Variants in NRG1 observed in about 807,000 individuals in gnomAD.
NRG1 encodes the protein pro-neuregulin-1, membrane-bound isoform.
A neutral mutation model predicts 63.8 loss-of-function variants in NRG1; 18 were observed. The observed-to-expected ratio is 0.28, with a 90% CI of 0.19 to 0.42. The LOEUF (loss-of-function observed/expected upper bound fraction) is 0.42, where lower values mean the gene tolerates loss of function less well. Among genes scored for constraint, NRG1 ranks in the 10% least tolerant of loss-of-function variants. The probability of loss-of-function intolerance (pLI) is 1.00; values close to 1 mark genes in which losing one functional copy is unlikely to be tolerated. For synonymous variants in NRG1, 302 were observed against 301.3 expected (o/e 1.00, Z -0.02); for missense variants, 762 against 814.7 (o/e 0.94, Z 0.79).
intron 1 of NRG1, among the ~76,000 whole-genome samples, chr8:31,876,066 C>G (rs1967389): frequency 0.27 from 39,862 of 149,162 alleles, 6,317 homozygotes; most frequent in East Asian, 0.69. Flanking sequence ...AACAAACAAA[C>G]AATTGGAAGA....
chr8:32,568,309 C>A (rs1394281058), intron 1 of NRG1, among the ~76,000 whole-genome samples: 1 of 152,176 alleles, frequency 6.6e-6, no homozygotes, highest in Non-Finnish European at 1.5e-5. Context: ...AATGCTAACT[C>A]ACTGAATCTC....
At chr8:32,124,676 C>A (rs117336186) in intron 1 of NRG1, among the ~76,000 whole-genome samples, 1 of 151,766 alleles carries the variant, frequency 6.6e-6, no homozygotes, top group Admixed American at 6.6e-5. Flanking sequence ...TGAATTTTTG[C>A]CCCTATTTTC....
rs1005810665 is a variant in NRG1 at position 31,652,260 on chromosome 8, C to T, written c.37+12829C>T. ...CTACGTCCTTAACAAATCTCAGATT[C>T]GTCCCGTCTTCCCTCACTTCAACTT... On this transcript the variant is annotated intron_variant, in intron 1 of 10. Transcript: ENST00000519301. 8.5e-5 allele frequency among the ~76,000 whole-genome samples: 13 copies of T among 152,198 alleles called. 1 individual carries two copies. The highest frequency in any genetic ancestry group is 1.7e-4 in the African/African-American group (7 of 41,450).
intron 1 of NRG1, among the ~76,000 whole-genome samples, chr8:31,841,942 C>T (rs1011877932): frequency 1.8e-4 from 28 of 152,216 alleles, no homozygotes; most frequent in Admixed American, 1.7e-3. Flanking sequence ...AGAAGCTTCT[C>T]TGGGAGCCCC....
At chr8:31,896,136 C>A (rs1470871626) in intron 1 of NRG1, among the ~76,000 whole-genome samples, 1 of 152,152 alleles carries the variant, frequency 6.6e-6, no homozygotes, top group Admixed American at 6.5e-5. Flanking sequence ...CCAGCATTTG[C>A]TCACTAGACC....
At chr8:32,043,203 A>G (rs1179029415) in intron 1 of NRG1, among the ~76,000 whole-genome samples, 1 of 152,092 alleles carries the variant, frequency 6.6e-6, no homozygotes, top group Non-Finnish European at 1.5e-5. Flanking sequence ...AAAAAAAATG[A>G]TATGTTCCTT....
chr8:31,672,597 G>GT (rs1042111905), intron 1 of NRG1, among the ~76,000 whole-genome samples: 9 of 151,860 alleles, frequency 5.9e-5, no homozygotes, highest in African/African-American at 2.2e-4. Flanking sequence ...GGAAATATGT[G>GT]TTTTCAGAGC....
intron 1 of NRG1, among the ~76,000 whole-genome samples, chr8:32,122,619 A>T (rs900682551): frequency 1.2e-4 from 17 of 143,384 alleles, no homozygotes; most frequent in Admixed American, 2.0e-4. Flanking sequence ...AGAACTTTTT[A>T]TTATTATTAT....
chr8:32,437,796 A>G (rs1818976974), intron 1 of NRG1, among the ~76,000 whole-genome samples: 1 of 152,114 alleles, frequency 6.6e-6, no homozygotes, highest in Non-Finnish European at 1.5e-5. Context: ...ATGGAAATAC[A>G]TTTCTTTTGA....
chr8:31,792,813 A>G (rs1820843691), intron 1 of NRG1, among the ~76,000 whole-genome samples: 1 of 152,180 alleles, frequency 6.6e-6, no homozygotes, highest in African/African-American at 2.4e-5. Flanking sequence ...TAAAACTTCC[A>G]GCCCCATCCA....
chr8:32,313,224 T>C (rs1302357699), intron 1 of NRG1, among the ~76,000 whole-genome samples: 2 of 152,140 alleles, frequency 1.3e-5, no homozygotes, highest in East Asian at 1.9e-4. Context: ...GTTCTAAGAG[T>C]TGATATTGCT....
intron 1 of NRG1, among the ~76,000 whole-genome samples, chr8:31,682,383 A>G (rs1274825816): frequency 3.3e-5 from 5 of 152,086 alleles, no homozygotes; most frequent in African/African-American, 4.8e-5. Flanking sequence ...ATTGTTATTA[A>G]TTGGGGGGAG....
chr8:32,123,286 G>T (rs921964889), intron 1 of NRG1, among the ~76,000 whole-genome samples: 1 of 151,882 alleles, frequency 6.6e-6, no homozygotes, highest in Admixed American at 6.6e-5. Flanking sequence ...GGAAGTAATT[G>T]AATCATGGGA....
At chr8:32,400,342 G>A (rs1412327633) in intron 1 of NRG1, among the ~76,000 whole-genome samples, 2 of 152,148 alleles carry the variant, frequency 1.3e-5, no homozygotes, top group Non-Finnish European at 2.9e-5. Flanking sequence ...AATTAGCCAG[G>A]TGTGGTGGTG....
intron 1 of NRG1, among the ~76,000 whole-genome samples, chr8:32,266,879 C>CAAAAAAAAAA (rs60715824): frequency 8.9e-6 from 1 of 112,828 alleles, no homozygotes; most frequent in Non-Finnish European, 1.9e-5. Context: ...ACTAAAAATA[C>CAAAAAAAAAA]AAAAAAAAAA....
At chr8:32,531,326 A>G (rs538648669) in intron 1 of NRG1, among the ~76,000 whole-genome samples, 2 of 152,250 alleles carry the variant, frequency 1.3e-5, no homozygotes, top group East Asian at 1.9e-4. Context: ...AATTAAGGAA[A>G]GTAAAATTCT....
intron 1 of NRG1, among the ~76,000 whole-genome samples, chr8:31,973,091 C>T (rs1157171809): frequency 1.3e-5 from 2 of 152,132 alleles, no homozygotes; most frequent in Non-Finnish European, 1.5e-5. Flanking sequence ...TCATCCCTCA[C>T]CTCATAAACC....
chr8:32,046,209 A>T (rs1820970793), intron 1 of NRG1, among the ~76,000 whole-genome samples: 1 of 152,076 alleles, frequency 6.6e-6, no homozygotes, highest in Non-Finnish European at 1.5e-5. Flanking sequence ...TCATTAGCTT[A>T]ACTTAGGGAA....
At chr8:32,724,261 A>G (rs1032906223) in intron 5 of NRG1, among the ~76,000 whole-genome samples, 3 of 152,222 alleles carry the variant, frequency 2.0e-5, no homozygotes, top group African/African-American at 7.2e-5. Flanking sequence ...GTGAAAAACT[A>G]GTCATAAATC....
Sources: allele counts gnomAD v4.1 joint callset (sites outside exome capture counted in the v4.1 genomes callset), GRCh38; gene constraint gnomAD v4.1.1; transcripts MANE v1.5; gene names NCBI Gene and HGNC (gene_info 2026-07-23, HGNC 2026-07-21).